Variants in MAPRE2 observed in about 807,000 individuals in gnomAD.
MAPRE2 encodes microtubule associated protein RP/EB family member 2, also known as microtubule-associated protein RP/EB family member 2.
Under a neutral mutation model 43.2 loss-of-function variants are expected in MAPRE2, and 13 were observed. The ratio of observed to expected loss-of-function variants is 0.30; its 90% CI spans 0.20 to 0.48. MAPRE2 has a LOEUF of 0.48. Among genes scored for constraint, MAPRE2 ranks in the 20% least tolerant of loss-of-function variants. The pLI is 0.99. For missense variants in MAPRE2, 161 were observed against 400.2 expected (o/e 0.40, Z 5.10); for synonymous variants, 135 against 148.8 (o/e 0.91, Z 0.68).
chr18:35,022,518 T>G, intron 2 of MAPRE2, among the ~76,000 whole-genome samples: 1 of 152,156 alleles, frequency 6.6e-6, no homozygotes, highest in Non-Finnish European at 1.5e-5. Flanking sequence ...GAACAATAAA[T>G]GGCATGTGAA....
At chr18:34,977,862 A>C (rs1206533093) in intron 1 of MAPRE2, among the ~76,000 whole-genome samples, 2 of 152,180 alleles carry the variant, frequency 1.3e-5, no homozygotes, top group Non-Finnish European at 2.9e-5. Flanking sequence ...GAAATCCCAC[A>C]AAGAGCCAGG....
At chr18:34,985,240 TA>T in intron 1 of MAPRE2, among the ~76,000 whole-genome samples, 2 of 60,568 alleles carry the variant, frequency 3.3e-5, no homozygotes, top group Non-Finnish European at 5.6e-5. Flanking sequence ...ATATATTATA[TA>T]ATATAAAATA....
chr18:34,985,015 TTATATAATATATAAAA>T (rs1347857886), intron 1 of MAPRE2, among the ~76,000 whole-genome samples: 15 of 69,150 alleles, frequency 2.2e-4, no homozygotes, highest in East Asian at 4.0e-4. Context: ...ATATTTTATG[TTATATAATATATAAAA>T]TATATAATAT....
intron 6 of MAPRE2, among the ~76,000 whole-genome samples, 181 bp from the exon 7 acceptor site, chr18:35,140,114 G>A (rs571106950): frequency 5.3e-5 from 8 of 152,322 alleles, no homozygotes; most frequent in South Asian, 4.1e-4. Flanking sequence ...AAGCTAAGGC[G>A]CCCCTGCATA....
intron 1 of MAPRE2, among the ~76,000 whole-genome samples, chr18:34,984,854 A>G (rs2097018271): frequency 8.6e-6 from 1 of 116,634 alleles, no homozygotes; most frequent in East Asian, 2.3e-4. Flanking sequence ...GTTATATAAC[A>G]TATAAAATAT....
intron 1 of MAPRE2, among the ~76,000 whole-genome samples, chr18:34,996,401 C>A (rs188077927): frequency 9.9e-5 from 15 of 152,252 alleles, no homozygotes; most frequent in Middle Eastern, 3.4e-3. Context: ...TGTTCGCACT[C>A]CTATGAGAAT....
At chr18:35,029,752 T>A (rs1408702073) in intron 2 of MAPRE2, among the ~76,000 whole-genome samples, 1 of 152,188 alleles carries the variant, frequency 6.6e-6, no homozygotes, top group Non-Finnish European at 1.5e-5. Context: ...TTAGCTGTCC[T>A]ATGCAGTCAC....
At chr18:34,981,139 G>A (rs571810940) in intron 1 of MAPRE2, among the ~76,000 whole-genome samples, 6 of 151,898 alleles carry the variant, frequency 4.0e-5, no homozygotes, top group East Asian at 1.9e-4. Context: ...TTGGGAGGCC[G>A]AGGCGGGTGA....
At chr18:35,062,581 G>A (rs1003325736) in intron 1 of MAPRE2, among the ~76,000 whole-genome samples, 11 of 152,200 alleles carry the variant, frequency 7.2e-5, no homozygotes, top group Non-Finnish European at 1.6e-4. Context: ...AGAACTGACA[G>A]TGTGGCCTTG....
intron 1 of MAPRE2, among the ~76,000 whole-genome samples, chr18:35,049,807 G>A (rs1361894682): frequency 2.0e-5 from 3 of 152,214 alleles, no homozygotes; most frequent in South Asian, 2.1e-4. Flanking sequence ...GAAATGTAGC[G>A]TGTAAGTAAA....
rs540776042 is a variant in MAPRE2 at position 35,141,439 on chromosome 18, GTGTAGACAC to G, written c.*1073_*1081del. On this transcript the variant is annotated 3_prime_UTR_variant, in exon 7 of 7. Coordinates refer to ENST00000300249, the MANE Select transcript of MAPRE2 (RefSeq NM_014268.4). The stretch of plus-strand genomic sequence containing the variant: ...GGGAGAATCATGGTTCTGCAGTCTG[GTGTAGACAC>G]TGGAATAACAGCACAGAAAAATCTA... 1.6e-4 allele frequency: 24 copies of G among 152,322 alleles called. No homozygotes were observed. The highest frequency in any genetic ancestry group is 3.2e-4 in the Non-Finnish European group (22 of 68,030). 9.4% of individuals were successfully genotyped at this position (152,322 alleles called of 1,614,324 possible).
In MAPRE2 at chr18:35,142,190, C is replaced by A. The variant is rs13512; in HGVS notation, c.*1821C>A. On this transcript the variant is annotated 3_prime_UTR_variant, in exon 7 of 7. Transcript: ENST00000300249. ...ACAAGTAGTAGTGGCTGTGCTATAC[C>A]CAGCATCATGCTTAACAGCGTGTTG... The A allele has an allele frequency of 0.14, 21,020 of 152,240 alleles. 1,665 individuals are homozygous for A. The highest frequency in any genetic ancestry group is 0.24 in the South Asian group (1,169 of 4,822). 9.4% of individuals were successfully genotyped at this position (152,240 alleles called of 1,614,324 possible).
rs548279464 is a variant in MAPRE2, at chr18:35,078,234, A to C, written c.250+7912A>C. Among the ~76,000 whole-genome samples, 11 of 152,330 alleles carry C rather than the reference A, an allele frequency of 7.2e-5. 1 individual carries two copies. The South Asian group carries it at 1.4e-3, about 20-fold the overall frequency. On this transcript the variant is annotated intron_variant, in intron 2 of 6. Transcript: ENST00000300249. The stretch of plus-strand genomic sequence containing the variant: ...TCATACCCTTTCTTGTCTGGTAGGA[A>C]GCCAAGGACCTCATTTTATTCTTTG...
intron 6 of MAPRE2, among the ~76,000 whole-genome samples, chr18:35,138,219 A>G (rs1235278236): frequency 6.6e-6 from 1 of 152,168 alleles, no homozygotes; most frequent in Non-Finnish European, 1.5e-5. Flanking sequence ...AGGGGAGTAA[A>G]GAGGGGATCA....
intron 5 of MAPRE2, among the ~76,000 whole-genome samples, chr18:35,129,165 C>T (rs536381898): frequency 6.6e-6 from 1 of 152,344 alleles, no homozygotes; most frequent in African/African-American, 2.4e-5. Context: ...CTGTCTGTCC[C>T]TCAGAAGGAA....
At chr18:35,029,772 A>T (rs951055142) in intron 2 of MAPRE2, among the ~76,000 whole-genome samples, 1 of 152,196 alleles carries the variant, frequency 6.6e-6, no homozygotes, top group African/African-American at 2.4e-5. Context: ...CTTCAACAAG[A>T]TGCATTTTAT....
At chr18:35,020,672 G>C (rs1195789430) in intron 2 of MAPRE2, among the ~76,000 whole-genome samples, 1 of 151,976 alleles carries the variant, frequency 6.6e-6, no homozygotes, top group Non-Finnish European at 1.5e-5. Flanking sequence ...AACCACTCTT[G>C]CCTCCTACTC....
At chr18:35,004,191 C>A (rs2097030685) in intron 1 of MAPRE2, among the ~76,000 whole-genome samples, 1 of 152,108 alleles carries the variant, frequency 6.6e-6, no homozygotes, top group Non-Finnish European at 1.5e-5. Flanking sequence ...AATGCCACCT[C>A]CTCCCTTTTA....
At chr18:35,126,668 CTT>C (rs1055467326) in intron 4 of MAPRE2, among the ~76,000 whole-genome samples, 3 of 151,996 alleles carry the variant, frequency 2.0e-5, no homozygotes, top group African/African-American at 7.3e-5. Context: ...TTCTCTTACT[CTT>C]ATATCTCCAG....
Sources: gnomAD v4.1 joint callset for allele counts (sites outside exome capture counted in the v4.1 genomes callset) on GRCh38, gnomAD v4.1.1 for gene constraint, MANE v1.5 for transcripts, NCBI Gene and HGNC (gene_info 2026-07-23, HGNC 2026-07-21) for gene names.